NCSTN: variants seen among roughly 807,000 people sequenced by gnomAD.
The protein encoded by NCSTN is anterior pharynx-defective 2.
In NCSTN, 22 loss-of-function variants were observed where a neutral mutation model predicts 87.0. That is an observed-to-expected ratio of 0.25 (90% CI 0.18 to 0.36). The LOEUF (loss-of-function observed/expected upper bound fraction) is 0.36. Ranked by LOEUF, NCSTN falls within the 10% of genes least tolerant of loss-of-function variation. NCSTN has a pLI of 1.00. For missense variants in NCSTN, 693 were observed against 883.3 expected, an observed-to-expected ratio of 0.78 and a Z score of 2.73; for synonymous variants, 306 against 327.1, an observed-to-expected ratio of 0.94 and a Z score of 0.69.
In NCSTN at chr1:160,356,654, A is replaced by C; in HGVS notation, c.1694A>C (p.Tyr565Ser). ...IAVSSPTNTT[Y>S]VVQYALANLT... ...GTCTCCAGCCCCACCAACACCACTT[A>C]TGTTGTACAGTATGCCTTGGCAAAT... Residue 565 changes from tyrosine to serine, a missense_variant, in exon 15 of 17, where the codon TAT becomes TCT. Coordinates refer to ENST00000294785, the MANE Select transcript of NCSTN (RefSeq NM_015331.3). The C allele has an allele frequency of 6.2e-7, 1 of 1,614,120 alleles. No homozygotes were observed. The highest frequency in any genetic ancestry group is 1.1e-5 in the South Asian group (1 of 91,078).
rs998880903 is a variant in NCSTN at position 160,353,055 on chromosome 1, G to T, written c.1101+64G>T. On this transcript the variant is annotated intron_variant, in intron 9 of 16. Coordinates refer to ENST00000294785, the MANE Select transcript of NCSTN (RefSeq NM_015331.3). ...AATCTTCCTCCTTTGTTGTTCTGCGGTCTTAACTGCAGGAACCACCGCCTC... is the reference window on the plus strand; with the variant it reads ...AATCTTCCTCCTTTGTTGTTCTGCGTTCTTAACTGCAGGAACCACCGCCTC... The T allele has an allele frequency of 1.0e-5, 16 of 1,583,728 alleles. No homozygotes were observed. The Middle Eastern group carries it at 6.6e-4, about 66-fold the overall frequency.
Position 160,349,138 on chromosome 1 carries a change from A to G in NCSTN, c.314+16A>G, listed in dbSNP as rs1199279838. 9 of 1,613,934 alleles carry G rather than the reference A, an allele frequency of 5.6e-6. No individual in the cohort carries two copies. The highest frequency in any genetic ancestry group is 5.9e-6 in the Non-Finnish European group (7 of 1,179,924). Reference sequence around the variant, plus strand: ...ATTTTACCAGGTAAGAACTAGATGTATCTGCTGGGAAAACATCCATAGAGG... The same window carrying G: ...ATTTTACCAGGTAAGAACTAGATGTGTCTGCTGGGAAAACATCCATAGAGG... On this transcript the variant is annotated intron_variant, in intron 3 of 16. Coordinates refer to ENST00000294785, the MANE Select transcript of NCSTN (RefSeq NM_015331.3).
At position 160,358,370 on chromosome 1, in the gene NCSTN, G is replaced by T; in HGVS notation, c.*99G>T. The T allele has an allele frequency of 6.7e-7, 1 of 1,496,332 alleles. No individual in the cohort carries two copies. 92.7% of individuals were successfully genotyped at this position (1,496,332 alleles called of 1,614,324 possible). On this transcript the variant is annotated 3_prime_UTR_variant, in exon 17 of 17. Coordinates refer to ENST00000294785, the MANE Select transcript of NCSTN (RefSeq NM_015331.3). ...TAATTTGTCACTGGAACCTCCCTGG[G>T]CCTGTCTCAGATTGGGATTAACATA...
Position 160,356,835 on chromosome 1 carries a change from C to T in NCSTN, c.1794+81C>T, listed in dbSNP as rs1649155573. On this transcript the variant is annotated intron_variant, in intron 15 of 16. Transcript: ENST00000294785. ...GGAGGTTCTTCTAGACCTAGTTAGACCCAGGGGATTGGGATGGAGAGGTGG... is the reference window on the plus strand; with the variant it reads ...GGAGGTTCTTCTAGACCTAGTTAGATCCAGGGGATTGGGATGGAGAGGTGG... 25 of 1,568,478 alleles carry T rather than the reference C, an allele frequency of 1.6e-5. 1 individual carries two copies. The South Asian group carries it at 2.5e-4, about 16-fold the overall frequency.
At chr1:160,345,857 T>G (rs1293525122) in intron 2 of NCSTN, among the ~76,000 whole-genome samples, 1 of 141,728 alleles carries the variant, frequency 7.1e-6, no homozygotes, top group East Asian at 2.1e-4. Flanking sequence ...AAGAATCCCT[T>G]GAGCCCAGGA....
Position 160,355,970 on chromosome 1 carries a change from G to A in NCSTN, c.1551+12G>A. 6.2e-7 allele frequency: 1 copy of A among 1,601,746 alleles called. No homozygotes were observed. The highest frequency in any genetic ancestry group is 1.1e-5 in the South Asian group (1 of 90,792). On this transcript the variant is annotated intron_variant, in intron 13 of 16. Coordinates refer to ENST00000294785, the MANE Select transcript of NCSTN (RefSeq NM_015331.3). ...CTGATCCCCAAACGGTAAGCAGATG[G>A]GCCCTAGCTCCTTCTTTCTATTTAC...
In NCSTN at chr1:160,356,710, G is replaced by C. The variant is rs776315062; in HGVS notation, c.1750G>C (p.Glu584Gln). The change falls in exon 15 of 17, where the codon GAG becomes CAG. Residue 584 changes from glutamate (E) to glutamine (Q), a missense_variant. Physicochemically the swap from Glu to Gln is conservative, Grantham distance 29. Transcript: ENST00000294785. ...TGGCACAGTGGTCAACCTCACCCGA[G>C]AGCAGTGCCAGGATCCAAGTAAAGT... ...LTGTVVNLTR[E>Q]QCQDPSKVPS... 1 of 1,614,230 alleles carries C rather than the reference G, an allele frequency of 6.2e-7. No homozygotes were observed. Among genetic ancestry groups the C allele is most frequent in the Non-Finnish European group, 8.5e-7 (1 of 1,180,046 alleles).
chr1:160,351,493 A>G (rs1185755398), intron 6 of NCSTN, 121 bp downstream of exon 6: 5 of 1,363,254 alleles, frequency 3.7e-6, no homozygotes, highest in Non-Finnish European at 5.2e-6. Context: ...GGAGCTCTGC[A>G]TGGGAGAACT....
chr1:160,343,627 A>G (rs1041952080), intron 1 of NCSTN, 146 bp downstream of exon 1: 19 of 834,380 alleles, frequency 2.3e-5, no homozygotes, highest in Non-Finnish European at 3.6e-5. Context: ...TTCCCACGAC[A>G]GAAGTTCCCC....
intron 3 of NCSTN, 114 bp downstream of exon 3, chr1:160,349,236 G>T: frequency 1.4e-6 from 2 of 1,422,432 alleles, no homozygotes; most frequent in Non-Finnish European, 2.0e-6. Context: ...GGTCAGGGGA[G>T]AGGGCAGGGT....
intron 6 of NCSTN, 141 bp from the exon 7 acceptor site, chr1:160,351,555 A>G: frequency 8.1e-7 from 1 of 1,237,744 alleles, no homozygotes; most frequent in Non-Finnish European, 1.2e-6. Flanking sequence ...GGATAGTGGC[A>G]GAGAAGCCAA....
In NCSTN at chr1:160,355,651, G is replaced by A. The variant is rs770960968; in HGVS notation, c.1353-4G>A. ...GCCAAGGCTCATGCCGGCTTTCCTGGCAGATATTACCAGAGTATTTACGAC... is the reference window on the plus strand; with the variant it reads ...GCCAAGGCTCATGCCGGCTTTCCTGACAGATATTACCAGAGTATTTACGAC... On this transcript the variant is annotated splice_polypyrimidine_tract_variant and splice_region_variant and intron_variant, in intron 11 of 16. Coordinates refer to ENST00000294785, the MANE Select transcript of NCSTN (RefSeq NM_015331.3). The A allele has an allele frequency of 1.2e-6, 2 of 1,611,132 alleles. No individual in the cohort carries two copies. The highest frequency in any genetic ancestry group is 1.7e-6 in the Non-Finnish European group (2 of 1,177,272).
chr1:160,350,537 C>T (rs772159381), intron 5 of NCSTN, among the ~76,000 whole-genome samples: 4 of 151,804 alleles, frequency 2.6e-5, no homozygotes, highest in Non-Finnish European at 5.9e-5. Context: ...TGCTGAAAGA[C>T]GGTTGCTCCA....
chr1:160,352,740 C>A, intron 8 of NCSTN, 147 bp from the exon 9 acceptor site: 1 of 720,956 alleles, frequency 1.4e-6, no homozygotes, highest in South Asian at 1.5e-5. Flanking sequence ...CAAGAGAAGC[C>A]GAAAGTCACA....
chr1:160,344,326 A>G (rs1648315746), intron 1 of NCSTN: 1 of 713,492 alleles, frequency 1.4e-6, no homozygotes, highest in South Asian at 2.0e-5. Context: ...AAAATGCCTC[A>G]GAAAGTTTTC....
In NCSTN at chr1:160,351,353, C is replaced by T. The variant is rs201275545; in HGVS notation, c.714C>T (p.Ser238=). Residue 238 remains serine, a synonymous_variant, in exon 6 of 17, where the codon AGC becomes AGT. Transcript: ENST00000294785. Reference sequence around the variant, plus strand: ...GCATGCGGCGCAGCTCCATCCAAAGCACCTTCAGCATCAACCCAGGTAGGG... The same window carrying T: ...GCATGCGGCGCAGCTCCATCCAAAGTACCTTCAGCATCAACCCAGGTAGGG... ...ATCMRRSSIQ[S]TFSINPEIVC... is the part of the protein sequence containing the mutation. 9.9e-6 allele frequency: 16 copies of T among 1,614,082 alleles called. No individual in the cohort carries two copies. Among genetic ancestry groups the T allele is most frequent in the African/African-American group, 4.0e-5 (3 of 74,936 alleles).
chr1:160,354,312 A>C, intron 11 of NCSTN, 22 bp downstream of exon 11: 1 of 1,609,366 alleles, frequency 6.2e-7, no homozygotes. Flanking sequence ...TTGGCCCTGC[A>C]CCCTCTTCAT....
At chr1:160,350,990 C>G (rs960354339) in intron 5 of NCSTN, among the ~76,000 whole-genome samples, 1 of 152,210 alleles carries the variant, frequency 6.6e-6, no homozygotes, top group Admixed American at 6.5e-5. Context: ...GGGATAGTTT[C>G]ATCTCCAGCT....
Position 160,354,109 on chromosome 1 carries a change from A to G in NCSTN, c.1180-9A>G, listed in dbSNP as rs1649009379. 1 of 1,613,202 alleles carries G rather than the reference A, an allele frequency of 6.2e-7. No individual in the cohort carries two copies. The highest frequency in any genetic ancestry group is 8.5e-7 in the Non-Finnish European group (1 of 1,179,638). ...CCTCCCATCAGTTAATCTCCCTCGTACCCCCCAGGTGGAGGATCTCCTGGC... is the reference window on the plus strand; with the variant it reads ...CCTCCCATCAGTTAATCTCCCTCGTGCCCCCCAGGTGGAGGATCTCCTGGC... On this transcript the variant is annotated splice_polypyrimidine_tract_variant and intron_variant, in intron 10 of 16. Transcript: ENST00000294785.
Sources: gnomAD v4.1 joint callset for allele counts (sites outside exome capture counted in the v4.1 genomes callset) on GRCh38, gnomAD v4.1.1 for gene constraint, MANE v1.5 for transcripts, NCBI Gene and HGNC (gene_info 2026-07-23, HGNC 2026-07-21) for gene names.